GAPVD1: variants seen among roughly 807,000 people sequenced by gnomAD.
The protein encoded by GAPVD1 is GTPase activating protein and VPS9 domains 1.
A neutral mutation model predicts 155.5 loss-of-function variants in GAPVD1; 35 were observed. The ratio of observed to expected loss-of-function variants is 0.23; its 90% CI spans 0.17 to 0.30. The LOEUF (loss-of-function observed/expected upper bound fraction) is 0.30. Ranked by LOEUF, GAPVD1 falls within the 10% of genes least tolerant of loss-of-function variation. GAPVD1 has a pLI of 1.00. For missense variants in GAPVD1, 1,429 were observed against 1,775.7 expected (o/e 0.80, Z 3.51); for synonymous variants, 636 against 619.7 (o/e 1.03, Z -0.39).
intron 2 of GAPVD1, among the ~76,000 whole-genome samples, chr9:125,291,173 C>G (rs1379957061): frequency 6.6e-6 from 1 of 151,982 alleles, no homozygotes; most frequent in Non-Finnish European, 1.5e-5. Context: ...CCTGTAGTCC[C>G]AGCTACTCAG....
At chr9:125,301,109 G>A (rs974710562) in intron 4 of GAPVD1, among the ~76,000 whole-genome samples, 9 of 150,806 alleles carry the variant, frequency 6.0e-5, no homozygotes, top group East Asian at 5.8e-4. Context: ...TGGCTGTGTC[G>A]CCCAGGCTGA....
Position 125,282,926 on chromosome 9 carries a change from T to A in GAPVD1, c.-149-12532T>A, listed in dbSNP as rs942926228. Among the ~76,000 whole-genome samples, 6 of 152,192 alleles carry A rather than the reference T, an allele frequency of 3.9e-5. No homozygotes were observed. The East Asian group carries it at 5.8e-4, about 15-fold the overall frequency. ...AAGAAAGTAGGAAATGGTCTTTTTT[T>A]AATGACTTTCTAACAACATTATTTC... On this transcript the variant is annotated intron_variant, in intron 2 of 27. Transcript: ENST00000297933.
At position 125,366,289 on chromosome 9, in the gene GAPVD1, C is replaced by G. The variant is rs1851466098; in HGVS notation, c.*3543C>G. 6.6e-6 allele frequency: 1 copy of G among 152,178 alleles called. No homozygotes were observed. The allele number at this position is 152,178 out of a possible 1,614,324, so 9.4% of individuals were successfully genotyped here. ...TCTGTAGCTGACTGGTGTGCTGAAC[C>G]CGGGCACTCTTTTTCCTATTGTTTG... On this transcript the variant is annotated 3_prime_UTR_variant, in exon 28 of 28. Coordinates refer to ENST00000297933, the MANE Select transcript of GAPVD1 (RefSeq NM_001282680.3).
At chr9:125,328,918 C>T (rs145771580) in intron 12 of GAPVD1, among the ~76,000 whole-genome samples, 3,260 of 152,320 alleles carry the variant, frequency 0.021, 120 homozygotes, top group African/African-American at 0.074. Flanking sequence ...GGATCACTCG[C>T]GGTTAGGGGC....
rs1424037238 is a variant in GAPVD1 at position 125,293,871 on chromosome 9, TATATATATATA to T, written c.-149-1586_-149-1576del. Among the ~76,000 whole-genome samples, 656 of 90,188 alleles carry T rather than the reference TATATATATATA, an allele frequency of 7.3e-3. 41 individuals carry two copies. Among genetic ancestry groups the T allele is most frequent in the African/African-American group, 0.021 (485 of 23,370 alleles). The allele number at this position is 90,188 out of a possible 152,430, so 59.2% of individuals were successfully genotyped here. A position where few individuals can be genotyped will look rare whatever the true frequency, so the allele number is the denominator to read the frequency against. On this transcript the variant is annotated intron_variant, in intron 2 of 27. Transcript: ENST00000297933. ...TATATTTTATATATATATATATATA[TATATATATATA>T]TATATATATATATATATATATAAGT...
At chr9:125,294,155 C>T (rs891847832) in intron 2 of GAPVD1, among the ~76,000 whole-genome samples, 2 of 151,522 alleles carry the variant, frequency 1.3e-5, no homozygotes, top group African/African-American at 4.8e-5. Context: ...ATCCGCCCAC[C>T]TCGGCCTCTG....
intron 2 of GAPVD1, among the ~76,000 whole-genome samples, chr9:125,280,758 G>C (rs1836663341): frequency 6.6e-6 from 1 of 151,518 alleles, no homozygotes; most frequent in Non-Finnish European, 1.5e-5. Flanking sequence ...TGTATTTTTA[G>C]TAGAGATGGG....
chr9:125,348,469 C>T (rs540959362), intron 20 of GAPVD1, among the ~76,000 whole-genome samples: 6 of 151,942 alleles, frequency 3.9e-5, no homozygotes, highest in South Asian at 4.2e-4. Context: ...ACTTTTTATT[C>T]GTTTTGATTG....
At chr9:125,275,140 A>G (rs1414162472) in intron 2 of GAPVD1, among the ~76,000 whole-genome samples, 2 of 150,836 alleles carry the variant, frequency 1.3e-5, no homozygotes, top group Non-Finnish European at 3.0e-5. Context: ...TAATAGTGTG[A>G]TCTCGGCTCA....
chr9:125,349,215 T>C (rs1333680245), intron 20 of GAPVD1, among the ~76,000 whole-genome samples, 175 bp from the exon 21 acceptor site: 1 of 152,226 alleles, frequency 6.6e-6, no homozygotes, highest in East Asian at 1.9e-4. Context: ...ACATAATTGT[T>C]GCTATTGATA....
At chr9:125,286,101 C>T (rs1314291346) in intron 2 of GAPVD1, among the ~76,000 whole-genome samples, 1 of 151,342 alleles carries the variant, frequency 6.6e-6, no homozygotes, top group Non-Finnish European at 1.5e-5. Context: ...AGCCACTTCA[C>T]CTGGCCATAT....
intron 19 of GAPVD1, among the ~76,000 whole-genome samples, chr9:125,342,685 A>G (rs1847984862): frequency 6.6e-6 from 1 of 152,198 alleles, no homozygotes; most frequent in Non-Finnish European, 1.5e-5. Flanking sequence ...TTTCTCTAAC[A>G]TTGATCGTAG....
chr9:125,323,799 T>C lies in GAPVD1; in HGVS notation c.1734T>C (p.Gly578=), dbSNP rs1844746381. Residue 578 remains glycine, a splice_region_variant and synonymous_variant, in exon 11 of 28, where the codon GGT becomes GGC. Coordinates refer to ENST00000297933, the MANE Select transcript of GAPVD1 (RefSeq NM_001282680.3). ...CTCACACTATAAACATTTCTCTAGGTCCTTCAAATCGCTCCAATTCAGTGT... is the reference window on the plus strand; with the variant it reads ...CTCACACTATAAACATTTCTCTAGGCCCTTCAAATCGCTCCAATTCAGTGT... The part of the protein sequence containing the change: ...CSDNLEGISE[G]PSNRSNSVSS... The C allele has an allele frequency of 1.2e-6, 2 of 1,613,670 alleles. No individual in the cohort carries two copies. The highest frequency in any genetic ancestry group is 2.2e-5 in the South Asian group (2 of 91,080).
chr9:125,327,696 G>C (rs989692186), intron 12 of GAPVD1, among the ~76,000 whole-genome samples: 2 of 151,982 alleles, frequency 1.3e-5, no homozygotes, highest in Non-Finnish European at 2.9e-5. Flanking sequence ...TAGAGACGGG[G>C]TTTCACCATA....
At chr9:125,305,041 C>G in intron 5 of GAPVD1, 22 bp from the exon 6 acceptor site, 2 of 1,546,962 alleles carry the variant, frequency 1.3e-6, no homozygotes, top group African/African-American at 1.4e-5. Context: ...TTATGTCTCC[C>G]TACCACTGCT....
At chr9:125,292,542 A>G (rs1838780159) in intron 2 of GAPVD1, among the ~76,000 whole-genome samples, 1 of 151,898 alleles carries the variant, frequency 6.6e-6, no homozygotes, top group Non-Finnish European at 1.5e-5. Context: ...ACAGGTGTGC[A>G]CCACCAAGCC....
intron 2 of GAPVD1, among the ~76,000 whole-genome samples, chr9:125,286,948 G>A (rs1374501379): frequency 6.6e-6 from 1 of 152,082 alleles, no homozygotes; most frequent in African/African-American, 2.4e-5. Context: ...GCTGGACGTG[G>A]TCGGGGGTGC....
At chr9:125,323,665 TGTGTTTTTTTAAG>T (rs1202635109) in intron 10 of GAPVD1, 120 bp from the exon 11 acceptor site, 4 of 785,040 alleles carry the variant, frequency 5.1e-6, no homozygotes, top group Admixed American at 2.3e-5. Context: ...TCAAAGGGCA[TGTGTTTTTTTAAG>T]GTATAAAAAG....
intron 1 of GAPVD1, among the ~76,000 whole-genome samples, chr9:125,263,043 C>T (rs1188179898): frequency 1.3e-5 from 2 of 152,132 alleles, no homozygotes; most frequent in Non-Finnish European, 2.9e-5. Context: ...ATATTATGAC[C>T]ATATTAGTTT....
Sources: allele counts gnomAD v4.1 joint callset (sites outside exome capture counted in the v4.1 genomes callset), GRCh38; gene constraint gnomAD v4.1.1; transcripts MANE v1.5; gene names NCBI Gene and HGNC (gene_info 2026-07-23, HGNC 2026-07-21).